Variants in CACNA1C observed in about 807,000 individuals in gnomAD.
CACNA1C encodes calcium voltage-gated channel subunit alpha1 C.
In CACNA1C, 30 loss-of-function variants were observed where a neutral mutation model predicts 229.0. That is an observed-to-expected ratio of 0.13 (90% CI 0.10 to 0.18). CACNA1C has a LOEUF of 0.18. Among genes scored for constraint, CACNA1C ranks in the 10% least tolerant of loss-of-function variants. The probability of loss-of-function intolerance (pLI) is 1.00; values close to 1 mark genes in which losing one functional copy is unlikely to be tolerated. For missense variants in CACNA1C, 1,658 were observed against 2,845.0 expected, an observed-to-expected ratio of 0.58 and a Z score of 9.49; for synonymous variants, 1,114 against 1,132.5, an observed-to-expected ratio of 0.98 and a Z score of 0.33.
chr12:2,327,932 C>G (rs1217351443), intron 3 of CACNA1C, among the ~76,000 whole-genome samples: 1 of 152,204 alleles, frequency 6.6e-6, no homozygotes, highest in Non-Finnish European at 1.5e-5. Flanking sequence ...CACCTTACTT[C>G]CTCCTTCACC....
At chr12:2,356,360 T>G (rs572687337) in intron 3 of CACNA1C, among the ~76,000 whole-genome samples, 1 of 152,300 alleles carries the variant, frequency 6.6e-6, no homozygotes, top group East Asian at 1.9e-4. Context: ...AACTGTCTGT[T>G]GAGGAAGGTT....
chr12:2,212,979 CTT>C (rs1280313879), intron 3 of CACNA1C, among the ~76,000 whole-genome samples: 1 of 152,148 alleles, frequency 6.6e-6, no homozygotes, highest in Non-Finnish European at 1.5e-5. Flanking sequence ...AAAATATCCT[CTT>C]GTTTGGAATT....
chr12:2,306,956 AC>A (rs1361456619), intron 3 of CACNA1C, among the ~76,000 whole-genome samples: 1 of 152,140 alleles, frequency 6.6e-6, no homozygotes, highest in Admixed American at 6.5e-5. Context: ...TGCTGTTGGC[AC>A]TTCCCCAGCC....
At chr12:2,497,227 G>T (rs1463275694) in intron 7 of CACNA1C, among the ~76,000 whole-genome samples, 1 of 152,204 alleles carries the variant, frequency 6.6e-6, no homozygotes, top group Non-Finnish European at 1.5e-5. Flanking sequence ...CAGTTGGTTT[G>T]AAACTCTGAG....
At chr12:2,681,076 C>G (rs943860512) in intron 42 of CACNA1C, among the ~76,000 whole-genome samples, 7 of 152,180 alleles carry the variant, frequency 4.6e-5, no homozygotes, top group Non-Finnish European at 1.0e-4. Flanking sequence ...GGTCCCCATA[C>G]CCCCTTCTCC....
At chr12:2,413,201 A>G (rs954364336) in intron 3 of CACNA1C, among the ~76,000 whole-genome samples, 2 of 284 alleles carry the variant, frequency 7.0e-3, no homozygotes, top group East Asian at 0.14. Flanking sequence ...TATTTTTACT[A>G]AAGACGTGTT....
At chr12:2,499,602 A>G (rs2099754415) in intron 7 of CACNA1C, among the ~76,000 whole-genome samples, 1 of 152,166 alleles carries the variant, frequency 6.6e-6, no homozygotes, top group Middle Eastern at 3.2e-3. Flanking sequence ...TGTTCATTCA[A>G]TGCTCCCTCC....
intron 3 of CACNA1C, among the ~76,000 whole-genome samples, chr12:2,242,054 A>G (rs1418109453): frequency 6.6e-6 from 1 of 151,766 alleles, no homozygotes; most frequent in Non-Finnish European, 1.5e-5. Context: ...CCAGTCCTCC[A>G]TTGTCCTTGT....
chr12:2,229,710 A>C (rs1318694329), intron 3 of CACNA1C, among the ~76,000 whole-genome samples: 1 of 152,292 alleles, frequency 6.6e-6, no homozygotes, highest in Non-Finnish European at 1.5e-5. Context: ...ATTCGAGAGG[A>C]ACGCATTCCA....
At chr12:2,021,740 C>T (rs1248084411) in intron 1 of CACNA1C, among the ~76,000 whole-genome samples, 3 of 152,034 alleles carry the variant, frequency 2.0e-5, no homozygotes, top group African/African-American at 7.2e-5. Flanking sequence ...AAGATCTAGG[C>T]GCCAGCATCT....
chr12:2,640,568 G>GGCATCT (rs1375455019), intron 30 of CACNA1C, among the ~76,000 whole-genome samples: 3 of 152,208 alleles, frequency 2.0e-5, no homozygotes, highest in Admixed American at 1.3e-4. Context: ...TTGCCCAGTT[G>GGCATCT]GCATCTGCAT....
chr12:2,127,769 G>A (rs1286359737), intron 3 of CACNA1C, among the ~76,000 whole-genome samples: 5 of 152,192 alleles, frequency 3.3e-5, no homozygotes, highest in African/African-American at 1.2e-4. Flanking sequence ...AGCCAGAGTT[G>A]CAGGCACTGA....
chr12:2,557,087 T>A (rs1405096853), intron 11 of CACNA1C, 110 bp downstream of exon 11: 3 of 823,194 alleles, frequency 3.6e-6, no homozygotes, highest in Non-Finnish European at 4.1e-6. Flanking sequence ...GTGTAAGGGC[T>A]GTTCTTCTAA....
intron 3 of CACNA1C, among the ~76,000 whole-genome samples, chr12:2,290,817 A>G (rs1032353847): frequency 1.3e-5 from 2 of 152,196 alleles, no homozygotes; most frequent in Non-Finnish European, 2.9e-5. Flanking sequence ...CAGGGATCTG[A>G]GACGTGTTCC....
chr12:2,627,196 G>A (rs2087241141), intron 29 of CACNA1C, among the ~76,000 whole-genome samples: 1 of 152,154 alleles, frequency 6.6e-6, no homozygotes, highest in Admixed American at 6.5e-5. Flanking sequence ...CACAGGATGG[G>A]AGCTGACAGA....
chr12:2,049,422 T>C (rs2154498626), upstream of CACNA1C: 1 of 152,366 alleles, frequency 6.6e-6, no homozygotes, highest in South Asian at 2.1e-4. Flanking sequence ...ATTTAGTTCA[T>C]TTCCAGGTTT....
chr12:2,595,840 A>G lies in CACNA1C; in HGVS notation c.2664-34A>G. On this transcript the variant is annotated intron_variant, in intron 19 of 46. Coordinates refer to ENST00000399655, the MANE Select transcript of CACNA1C (RefSeq NM_000719.7). This position sits in a 1 kb window ranked among gnomAD's most constrained non-coding sequence, Gnocchi z 4.1. ...CTGGTGCTTCCCCTTGTCTGCCTTG[A>G]CTTGTCTCTCCTCCTGTCCCCTCTC... 6.2e-7 allele frequency: 1 copy of G among 1,605,612 alleles called. No individual in the cohort carries two copies. Among genetic ancestry groups the G allele is most frequent in the Non-Finnish European group, 8.5e-7 (1 of 1,175,114 alleles).
At chr12:2,352,254 A>G (rs752752375) in intron 3 of CACNA1C, among the ~76,000 whole-genome samples, 1 of 152,186 alleles carries the variant, frequency 6.6e-6, no homozygotes, top group Non-Finnish European at 1.5e-5. Flanking sequence ...TCTCCTGCTC[A>G]TTTGACGAGG....
intron 3 of CACNA1C, among the ~76,000 whole-genome samples, chr12:2,339,483 A>G (rs894443534): frequency 6.6e-6 from 1 of 152,222 alleles, no homozygotes; most frequent in African/African-American, 2.4e-5. Flanking sequence ...AGCTTGCTAT[A>G]ACTTTTTTGC....
Sources: gnomAD v4.1 joint callset for allele counts (sites outside exome capture counted in the v4.1 genomes callset) on GRCh38, gnomAD v4.1.1 for gene constraint, Gnocchi (gnomAD v3.1) non-coding constraint, MANE v1.5 for transcripts, NCBI Gene and HGNC (gene_info 2026-07-23, HGNC 2026-07-21) for gene names.